C16orf89: variants seen among roughly 807,000 people sequenced by gnomAD.
C16orf89 encodes chromosome 16 open reading frame 89, also known as UPF0764 protein C16orf89.
C16orf89 carries 57 observed loss-of-function variants against 41.5 expected under a neutral mutation model. The observed-to-expected ratio is 1.38, with a 90% CI of 1.11 to 1.71. The LOEUF is 1.71. C16orf89 is among the 40% of genes most tolerant of loss of function. The pLI is 0.00. For missense variants in C16orf89, 575 were observed against 445.9 expected (o/e 1.29, Z -2.61); for synonymous variants, 223 against 190.6 (o/e 1.17, Z -1.40).
chr16:5,054,595 TTAGTGGGTGCTCAA>T (rs1226799130), intron 6 of C16orf89, among the ~76,000 whole-genome samples: 3 of 152,218 alleles, frequency 2.0e-5, no homozygotes, highest in African/African-American at 7.2e-5. Flanking sequence ...GTCTGGTACA[TTAGTGGGTGCTCAA>T]TACGTACTTG....
chr16:5,055,658 A>G (rs1956483301), intron 5 of C16orf89: 1 of 1,524,792 alleles, frequency 6.6e-7, no homozygotes, highest in Non-Finnish European at 8.8e-7. Flanking sequence ...CCTCATCCAT[A>G]AGGCTTTGTG....
At chr16:5,044,840 T>A in intron 7 of C16orf89, 5 of 1,239,850 alleles carry the variant, frequency 4.0e-6, no homozygotes, top group Non-Finnish European at 5.2e-6. Flanking sequence ...CGAGAATCTG[T>A]CTCAAAAAAA....
rs741164 is a variant in C16orf89, at chr16:5,056,183, C to T, written c.633G>A (p.Gly211=). Residue 211 remains glycine, a synonymous_variant, in exon 5 of 8, where the codon GGG becomes GGA. Transcript: ENST00000472572. ...TCTGTTGGAGTGGTCCCTGTGTGCA[C>T]CCCCTCTGGGGAGACAAACACCCAA... The part of the protein sequence containing the change: ...LLFFLWARMR[G]CTQGPLQQSQ... 961,043 of 1,584,598 alleles carry T rather than the reference C, an allele frequency of 0.61. 294,691 individuals are homozygous for T. The highest frequency in any genetic ancestry group is 0.63 in the Admixed American group (37,226 of 59,426).
At chr16:5,055,874 T>G in intron 5 of C16orf89, 179 bp downstream of exon 5, 1 of 1,261,970 alleles carries the variant, frequency 7.9e-7, no homozygotes, top group Non-Finnish European at 1.1e-6. Flanking sequence ...ATGGATTCAT[T>G]GCTTATCTGA....
rs372296873 is a variant in C16orf89 at position 5,056,173 on chromosome 16, C to A, written c.643G>T (p.Gly215Ter). 8 of 1,589,742 alleles carry A rather than the reference C, an allele frequency of 5.0e-6. No individual in the cohort carries two copies. Among genetic ancestry groups the A allele is most frequent in the Admixed American group, 1.7e-5 (1 of 59,564 alleles). ...LWARMRGCTQ[G>*]PLQQSQDYIN... Reference sequence around the variant, plus strand: ...TAGTCCTGGCTCTGTTGGAGTGGTCCCTGTGTGCACCCCCTCTGGGGAGAC... The same window carrying A: ...TAGTCCTGGCTCTGTTGGAGTGGTCACTGTGTGCACCCCCTCTGGGGAGAC... Residue 215 changes from glycine to a stop codon, truncating the protein, a stop_gained, in exon 5 of 8, where the codon GGA becomes TGA. Coordinates refer to ENST00000472572, the MANE Select transcript of C16orf89 (RefSeq NM_001098514.3). LOFTEE classifies it high-confidence loss of function.
chr16:5,044,685 A>G (rs765240555), intron 7 of C16orf89: 4 of 1,117,984 alleles, frequency 3.6e-6, no homozygotes, highest in Admixed American at 2.5e-5. Context: ...CTACTAAAAA[A>G]ATATAAAAAT....
rs1457223918 is a variant in C16orf89, at chr16:5,058,491, A to C, written c.627+2T>G. ...CACGGCGGGGGCTCCCTGGGCACTCACCATTCTGGCCCAGAGGAAGAAGAG... is the reference window on the plus strand; with the variant it reads ...CACGGCGGGGGCTCCCTGGGCACTCCCCATTCTGGCCCAGAGGAAGAAGAG... On this transcript the variant is annotated splice_donor_variant, in intron 4 of 7. Transcript: ENST00000472572. LOFTEE classifies it high-confidence loss of function. The C allele has an allele frequency of 2.5e-6, 4 of 1,599,380 alleles. No homozygotes were observed. Among genetic ancestry groups the C allele is most frequent in the Non-Finnish European group, 3.4e-6 (4 of 1,169,596 alleles).
At chr16:5,057,919 C>T (rs1596698705) in intron 4 of C16orf89, among the ~76,000 whole-genome samples, 1 of 152,152 alleles carries the variant, frequency 6.6e-6, no homozygotes, top group East Asian at 2.0e-4. Context: ...TGATGCCCTA[C>T]AGTCCAGTTC....
intron 5 of C16orf89, chr16:5,055,723 C>T (rs556230638): frequency 1.3e-6 from 2 of 1,535,758 alleles, no homozygotes; most frequent in Non-Finnish European, 1.7e-6. Flanking sequence ...ACTGGGGCAG[C>T]CTTTGGGGGC....
intron 6 of C16orf89, among the ~76,000 whole-genome samples, chr16:5,052,559 C>T (rs975666836): frequency 1.2e-4 from 18 of 151,782 alleles, no homozygotes; most frequent in Admixed American, 1.2e-3. Flanking sequence ...CCACTGCACT[C>T]CAGCCTGGGT....
intron 6 of C16orf89, among the ~76,000 whole-genome samples, chr16:5,050,978 A>G (rs147414369): frequency 0.014 from 2,160 of 152,330 alleles, 22 homozygotes; most frequent in Non-Finnish European, 0.019. Context: ...TAGATGCAGG[A>G]AAATGCATGT....
At chr16:5,061,408 G>T (rs981753571) in intron 2 of C16orf89, among the ~76,000 whole-genome samples, 1 of 138,736 alleles carries the variant, frequency 7.2e-6, no homozygotes, top group African/African-American at 2.7e-5. Context: ...ACTCCAGCCT[G>T]GGCGACAGGG....
intron 6 of C16orf89, among the ~76,000 whole-genome samples, chr16:5,051,952 T>C (rs1956404174): frequency 1.3e-5 from 2 of 151,626 alleles, no homozygotes; most frequent in South Asian, 4.2e-4. Context: ...ATACAAATAT[T>C]AGCCGGGCAT....
At chr16:5,046,855 G>T (rs1326187695) in intron 7 of C16orf89, among the ~76,000 whole-genome samples, 1 of 151,944 alleles carries the variant, frequency 6.6e-6, no homozygotes, top group Non-Finnish European at 1.5e-5. Context: ...ACAGTTTATT[G>T]TCGCAACCAG....
intron 6 of C16orf89, among the ~76,000 whole-genome samples, chr16:5,049,527 A>G (rs1254889894): frequency 6.6e-6 from 1 of 152,260 alleles, no homozygotes; most frequent in Non-Finnish European, 1.5e-5. Flanking sequence ...ATGGAATAAA[A>G]CTAGAAATCA....
At chr16:5,056,272 C>T in intron 4 of C16orf89, 84 bp from the exon 5 acceptor site, 1 of 1,351,928 alleles carries the variant, frequency 7.4e-7, no homozygotes, top group African/African-American at 1.4e-5. Flanking sequence ...TCTTGCAGTT[C>T]TGAGACGGTC....
Position 5,058,568 on chromosome 16 carries a change from C to T in C16orf89, c.552G>A (p.Arg184=). The change falls in exon 4 of 8, where the codon AGG becomes AGA. Residue 184 remains arginine (R), a synonymous_variant. Transcript: ENST00000472572. ...AGCAGCCGGGCTTGGTCATGAGGCT[C>T]CTGCAGAGGTCTGAGAGGCCGCAGG... ...SEPCGLSDLC[R]SLMTKPGCSG... is the part of the protein sequence containing the mutation. 2 of 1,612,792 alleles carry T rather than the reference C, an allele frequency of 1.2e-6. No individual in the cohort carries two copies. Among genetic ancestry groups the T allele is most frequent in the Non-Finnish European group, 1.7e-6 (2 of 1,179,944 alleles).
intron 3 of C16orf89, among the ~76,000 whole-genome samples, chr16:5,059,139 C>T (rs925272574): frequency 6.6e-6 from 1 of 152,060 alleles, no homozygotes; most frequent in African/African-American, 2.4e-5. Flanking sequence ...ACTCGGGAGG[C>T]TGAGGCAGGA....
chr16:5,055,549 C>G, intron 5 of C16orf89, 199 bp from the exon 6 acceptor site: 1 of 1,042,326 alleles, frequency 9.6e-7, no homozygotes, highest in Non-Finnish European at 1.4e-6. Context: ...TGTCCCGCCT[C>G]CCACTGAGGG....
Sources: allele counts gnomAD v4.1 joint callset (sites outside exome capture counted in the v4.1 genomes callset), GRCh38; gene constraint gnomAD v4.1.1; transcripts MANE v1.5; gene names NCBI Gene and HGNC (gene_info 2026-07-23, HGNC 2026-07-21).